The following MAST2 variants were observed in gnomAD, a reference collection of about 807,000 sequenced individuals.
MAST2 encodes the protein microtubule associated serine/threonine kinase 2.
In MAST2, 70 loss-of-function variants were observed where a neutral mutation model predicts 147.4. The observed-to-expected ratio is 0.47, with a 90% CI of 0.39 to 0.58. MAST2 has a LOEUF of 0.58. Ranked by LOEUF, MAST2 falls within the 20% of genes least tolerant of loss-of-function variation. The probability of loss-of-function intolerance (pLI) is 0.00; values close to 1 mark genes in which losing one functional copy is unlikely to be tolerated. For synonymous variants in MAST2, 869 were observed against 896.8 expected (o/e 0.97, Z 0.55); for missense variants, 2,080 against 2,302.3 (o/e 0.90, Z 1.98).
At chr1:45,819,779 A>G (rs1644564748) in intron 1 of MAST2, among the ~76,000 whole-genome samples, 1 of 152,218 alleles carries the variant, frequency 6.6e-6, no homozygotes, top group Admixed American at 6.5e-5. Flanking sequence ...AAAGCAATCT[A>G]CAGATTCAAT....
chr1:46,002,708 G>A (rs1645321752), intron 6 of MAST2, 97 bp from the exon 7 acceptor site: 1 of 999,342 alleles, frequency 1.0e-6, no homozygotes, highest in East Asian at 2.4e-5. Flanking sequence ...GCCCTACAGT[G>A]AATCAACTGC....
At chr1:45,997,663 G>C in intron 5 of MAST2, 61 bp from the exon 6 acceptor site, 1 of 1,300,378 alleles carries the variant, frequency 7.7e-7, no homozygotes, top group Non-Finnish European at 1.1e-6. Context: ...TTGCCCGAAA[G>C]TCATGTCCAC....
At chr1:45,868,676 CT>C (rs1004425772) in intron 3 of MAST2, among the ~76,000 whole-genome samples, 3 of 151,988 alleles carry the variant, frequency 2.0e-5, no homozygotes, top group Non-Finnish European at 4.4e-5. Context: ...AGCCTTGGGA[CT>C]TTTTTTATTT....
At chr1:45,865,434 C>T (rs1210598737) in intron 3 of MAST2, among the ~76,000 whole-genome samples, 1 of 152,174 alleles carries the variant, frequency 6.6e-6, no homozygotes, top group Admixed American at 6.5e-5. Flanking sequence ...GACATTACTG[C>T]TGACAGATTG....
intron 12 of MAST2, 83 bp downstream of exon 12, chr1:46,022,165 A>G: frequency 6.4e-7 from 1 of 1,569,228 alleles, no homozygotes; most frequent in Non-Finnish European, 8.7e-7. Flanking sequence ...TGGAAAAGAG[A>G]CTTAGCTTGG....
intron 4 of MAST2, among the ~76,000 whole-genome samples, chr1:45,899,937 T>C (rs1207779348): frequency 1.3e-5 from 2 of 151,808 alleles, no homozygotes; most frequent in East Asian, 1.9e-4. Flanking sequence ...TTTGGGAGGC[T>C]GAGGCAAGTG....
At chr1:46,017,339 C>T (rs1415300544) in intron 10 of MAST2, among the ~76,000 whole-genome samples, 8 of 152,138 alleles carry the variant, frequency 5.3e-5, no homozygotes, top group South Asian at 2.1e-4. Context: ...TCTAATTAAA[C>T]GAAAGAGCTG....
intron 4 of MAST2, among the ~76,000 whole-genome samples, chr1:45,891,493 A>G (rs1394210389): frequency 6.6e-6 from 1 of 152,208 alleles, no homozygotes; most frequent in Non-Finnish European, 1.5e-5. Flanking sequence ...AAACAAAAAA[A>G]AGAAATTATT....
At chr1:45,913,666 G>C (rs1420655514) in intron 4 of MAST2, 11 of 1,020,182 alleles carry the variant, frequency 1.1e-5, no homozygotes, top group Non-Finnish European at 1.2e-5. Context: ...GGGATGGGAG[G>C]GGTGTTCTGA....
intron 4 of MAST2, among the ~76,000 whole-genome samples, chr1:45,948,113 A>G (rs1658354240): frequency 6.6e-6 from 1 of 152,246 alleles, no homozygotes; most frequent in Non-Finnish European, 1.5e-5. Context: ...CGCCAACAGC[A>G]GCCAGGGAGA....
intron 3 of MAST2, among the ~76,000 whole-genome samples, chr1:45,833,897 A>T: frequency 6.7e-6 from 1 of 148,846 alleles, no homozygotes; most frequent in Non-Finnish European, 1.5e-5. Flanking sequence ...CTACTTATTT[A>T]CCTACTGTAA....
In MAST2 at chr1:46,030,999, T is replaced by G; in HGVS notation, c.2709-8T>G. On this transcript the variant is annotated splice_region_variant and splice_polypyrimidine_tract_variant and intron_variant, in intron 22 of 28. Coordinates refer to ENST00000361297, the MANE Select transcript of MAST2 (RefSeq NM_015112.3). ...TGGGTCACTCACCCCAGGCCTTGTGTCTCATAGATTACGGAAGCGGCTGTC... is the reference window on the plus strand; with the variant it reads ...TGGGTCACTCACCCCAGGCCTTGTGGCTCATAGATTACGGAAGCGGCTGTC... The G allele has an allele frequency of 5.0e-6, 8 of 1,611,766 alleles. No individual in the cohort carries two copies. Among genetic ancestry groups the G allele is most frequent in the Non-Finnish European group, 6.8e-6 (8 of 1,178,722 alleles).
At chr1:45,887,965 A>G (rs938734136) in intron 4 of MAST2, among the ~76,000 whole-genome samples, 4 of 152,228 alleles carry the variant, frequency 2.6e-5, no homozygotes, top group Non-Finnish European at 4.4e-5. Flanking sequence ...TCATATCCCT[A>G]CAGGGAACCA....
chr1:45,959,078 G>A (rs1180446608), intron 4 of MAST2, among the ~76,000 whole-genome samples: 1 of 152,142 alleles, frequency 6.6e-6, no homozygotes, highest in Non-Finnish European at 1.5e-5. Context: ...ATTAGATACT[G>A]TTTAAAACAT....
At chr1:45,892,370 GA>G (rs1330065291) in intron 4 of MAST2, among the ~76,000 whole-genome samples, 1 of 152,132 alleles carries the variant, frequency 6.6e-6, no homozygotes, top group Non-Finnish European at 1.5e-5. Context: ...GCCTAACAAG[GA>G]ATACAACTGG....
chr1:45,926,531 C>G (rs1654391877), intron 4 of MAST2, among the ~76,000 whole-genome samples: 1 of 152,170 alleles, frequency 6.6e-6, no homozygotes, highest in Admixed American at 6.5e-5. Context: ...ATTGTTTCTG[C>G]TGAAAACTGG....
chr1:45,939,980 G>GTTTTTTTTGTTTGTTTGTTTTTTT (rs1656940718), intron 4 of MAST2, among the ~76,000 whole-genome samples: 1 of 97,286 alleles, frequency 1.0e-5, no homozygotes, highest in African/African-American at 3.9e-5. Context: ...TTTATTTAGG[G>GTTTTTTTTGTTTGTTTGTTTTTTT]TTTTTTTTTT....
chr1:45,942,682 T>A (rs1466634754), intron 4 of MAST2, among the ~76,000 whole-genome samples: 1 of 152,168 alleles, frequency 6.6e-6, no homozygotes, highest in East Asian at 1.9e-4. Flanking sequence ...TGAAGGTGAC[T>A]AGGAAATGTT....
At chr1:45,853,055 C>T (rs940952084) in intron 3 of MAST2, among the ~76,000 whole-genome samples, 1 of 152,020 alleles carries the variant, frequency 6.6e-6, no homozygotes, top group South Asian at 2.1e-4. Flanking sequence ...CTCATCCTCC[C>T]GAGTAGCTGG....
Sources: gnomAD v4.1 joint callset for allele counts (sites outside exome capture counted in the v4.1 genomes callset) on GRCh38, gnomAD v4.1.1 for gene constraint, MANE v1.5 for transcripts, NCBI Gene and HGNC (gene_info 2026-07-23, HGNC 2026-07-21) for gene names.